DNM2: variants seen among roughly 807,000 people sequenced by gnomAD.
The protein encoded by DNM2 is dynamin-2.
DNM2 carries 15 observed loss-of-function variants against 99.0 expected under a neutral mutation model. The observed-to-expected ratio is 0.15, with a 90% CI of 0.10 to 0.23. DNM2 has a LOEUF of 0.23. Among genes scored for constraint, DNM2 ranks in the 10% least tolerant of loss-of-function variants. The pLI is 1.00. For missense variants in DNM2, 742 were observed against 1,189.4 expected (o/e 0.62, Z 5.53); for synonymous variants, 525 against 481.2 (o/e 1.09, Z -1.19).
Position 10,757,165 on chromosome 19 carries a change from C to T in DNM2, c.162-2573C>T, listed in dbSNP as rs114868155. On this transcript the variant is annotated intron_variant, in intron 1 of 20. Coordinates refer to ENST00000389253, the MANE Select transcript of DNM2 (RefSeq NM_001005361.3). The stretch of plus-strand genomic sequence containing the variant: ...AACTTCAGCCCTGCTCTGCCAGCAG[C>T]GCCCCTGGGGGGTCTTCGTAGCCCT... Among the ~76,000 whole-genome samples the T allele has an allele frequency of 4.1e-3, 620 of 152,296 alleles. 6 individuals are homozygous for T. The highest frequency in any genetic ancestry group is 0.013 in the African/African-American group (552 of 41,560).
intron 1 of DNM2, among the ~76,000 whole-genome samples, chr19:10,728,735 G>A (rs2069192094): frequency 6.6e-6 from 1 of 152,130 alleles, no homozygotes; most frequent in Non-Finnish European, 1.5e-5. Context: ...ATCACTTGAA[G>A]CCAGGTGTTC....
At chr19:10,779,635 G>A (rs2071289289) in intron 5 of DNM2, among the ~76,000 whole-genome samples, 1 of 146,534 alleles carries the variant, frequency 6.8e-6, no homozygotes, top group African/African-American at 2.5e-5. Context: ...AGCCTCCCAA[G>A]TATTTGGGAT....
chr19:10,738,555 G>A (rs941123084), intron 1 of DNM2, among the ~76,000 whole-genome samples: 2 of 150,300 alleles, frequency 1.3e-5, no homozygotes, highest in Non-Finnish European at 3.0e-5. Context: ...GGATCCCAGC[G>A]GTTGTTACTC....
At chr19:10,760,845 G>A (rs1323205157) in intron 2 of DNM2, among the ~76,000 whole-genome samples, 2 of 3,498 alleles carry the variant, frequency 5.7e-4, no homozygotes, top group African/African-American at 6.3e-4. Flanking sequence ...TTTTTTTTTT[G>A]GTAGAGATGG....
chr19:10,817,346 G>GA lies in DNM2; in HGVS notation c.1672-2631dup. On this transcript the variant is annotated intron_variant, in intron 15 of 20. Transcript: ENST00000389253. The surrounding 1 kb of genome is among the most constrained non-coding windows in gnomAD (Gnocchi z 4.6). Reference sequence around the variant, plus strand: ...TCTATGCGAGGCTCTGCCACAGTGGGAAACGGGGTGGTGGAAAATGACACT... The same window carrying GA: ...TCTATGCGAGGCTCTGCCACAGTGGGAAAACGGGGTGGTGGAAAATGACACT... The GA allele has an allele frequency of 2.2e-6, 1 of 460,274 alleles. No homozygotes were observed. Among genetic ancestry groups the GA allele is most frequent in the South Asian group, 1.6e-5 (1 of 63,518 alleles). The allele number at this position is 460,274 out of a possible 1,614,324, so 28.5% of individuals were successfully genotyped here.
intron 7 of DNM2, among the ~76,000 whole-genome samples, chr19:10,790,204 TAAAGC>T (rs1033318181): frequency 3.3e-5 from 5 of 152,244 alleles, no homozygotes; most frequent in African/African-American, 4.8e-5. Flanking sequence ...CTCTTCTTGT[TAAAGC>T]AAAGCCTGGA....
At chr19:10,723,721 G>A (rs944677819) in intron 1 of DNM2, among the ~76,000 whole-genome samples, 5 of 152,186 alleles carry the variant, frequency 3.3e-5, no homozygotes, top group African/African-American at 1.2e-4. Flanking sequence ...TACTTTTACT[G>A]TGTGCCTGGG....
chr19:10,795,691 C>G lies in DNM2; in HGVS notation c.1196+252C>G. The G allele has an allele frequency of 5.1e-6, 3 of 589,560 alleles. No individual in the cohort carries two copies. The highest frequency in any genetic ancestry group is 9.0e-6 in the Non-Finnish European group (3 of 331,620). The allele number at this position is 589,560 out of a possible 1,614,324, so 36.5% of individuals were successfully genotyped here. ...TGATCAAATAGGGCTTAGTTCCTGC[C>G]CAGTCGGTTGGTGTGAACCTCATGC... is the stretch of plus-strand genomic sequence containing the variant. On this transcript the variant is annotated intron_variant, in intron 9 of 20. Coordinates refer to ENST00000389253, the MANE Select transcript of DNM2 (RefSeq NM_001005361.3). The surrounding 1 kb of genome is among the most constrained non-coding windows in gnomAD (Gnocchi z 4.2).
intron 1 of DNM2, among the ~76,000 whole-genome samples, chr19:10,744,542 G>A (rs1376610827): frequency 6.6e-6 from 1 of 152,208 alleles, no homozygotes; most frequent in African/African-American, 2.4e-5. Flanking sequence ...AGGGGCTCCA[G>A]GAGGCTGGCT....
At chr19:10,788,251 A>C (rs1349006001) in intron 7 of DNM2, among the ~76,000 whole-genome samples, 2 of 150,244 alleles carry the variant, frequency 1.3e-5, no homozygotes, top group Non-Finnish European at 3.0e-5. Context: ...AAAAAAAAAA[A>C]GAAGTTGAGT....
intron 12 of DNM2, chr19:10,803,766 C>T: frequency 1.1e-6 from 1 of 892,026 alleles, no homozygotes; most frequent in Non-Finnish European, 1.3e-6. Context: ...CTGGGGCCCG[C>T]TGAAGAGCTA....
intron 16 of DNM2, among the ~76,000 whole-genome samples, chr19:10,821,259 G>T (rs2072959334): frequency 6.6e-6 from 1 of 152,168 alleles, no homozygotes; most frequent in African/African-American, 2.4e-5. Context: ...CCTGGCAGCT[G>T]TCCCAGGTCC....
At chr19:10,776,020 A>G (rs1226991471) in intron 4 of DNM2, 114 bp downstream of exon 4, 1 of 1,315,686 alleles carries the variant, frequency 7.6e-7, no homozygotes, top group East Asian at 2.5e-5. Context: ...CCGCTGTAGG[A>G]AAAGGCCTCC....
At chr19:10,785,751 A>T (rs1453158725) in intron 6 of DNM2, among the ~76,000 whole-genome samples, 1 of 152,134 alleles carries the variant, frequency 6.6e-6, no homozygotes, top group African/African-American at 2.4e-5. Context: ...CTGTTGTAGG[A>T]CAGATGGCCA....
At chr19:10,758,599 T>G (rs1172004336) in intron 1 of DNM2, among the ~76,000 whole-genome samples, 1 of 132,666 alleles carries the variant, frequency 7.5e-6, no homozygotes, top group Non-Finnish European at 1.6e-5. Flanking sequence ...CAGGCTGGAG[T>G]GCAGTGGCAC....
chr19:10,728,023 G>C (rs2069170626), intron 1 of DNM2, among the ~76,000 whole-genome samples: 1 of 152,206 alleles, frequency 6.6e-6, no homozygotes, highest in Non-Finnish European at 1.5e-5. Flanking sequence ...GGACTGCAAA[G>C]AGAGGAAAGA....
intron 2 of DNM2, among the ~76,000 whole-genome samples, chr19:10,766,814 G>T (rs1424161251): frequency 1.3e-5 from 2 of 152,116 alleles, no homozygotes; most frequent in Admixed American, 1.3e-4. Flanking sequence ...CTGGATGACT[G>T]CCCAGATTAA....
At chr19:10,771,013 G>A (rs1246946994) in intron 2 of DNM2, among the ~76,000 whole-genome samples, 3 of 152,258 alleles carry the variant, frequency 2.0e-5, no homozygotes, top group African/African-American at 4.8e-5. Flanking sequence ...GGCCGGTCTT[G>A]AACTCCTGGG....
chr19:10,743,211 G>T (rs937696650), intron 1 of DNM2, among the ~76,000 whole-genome samples: 5 of 152,010 alleles, frequency 3.3e-5, no homozygotes, highest in African/African-American at 1.2e-4. Flanking sequence ...CGGCCGTGAT[G>T]CCAGCTTCTT....
Sources: gnomAD v4.1 joint callset for allele counts (sites outside exome capture counted in the v4.1 genomes callset) on GRCh38, gnomAD v4.1.1 for gene constraint, Gnocchi (gnomAD v3.1) non-coding constraint, MANE v1.5 for transcripts, NCBI Gene and HGNC (gene_info 2026-07-23, HGNC 2026-07-21) for gene names.